Variants in ANO10 observed in about 807,000 individuals in gnomAD.
ANO10 encodes anoctamin-10.
ANO10 carries 77 observed loss-of-function variants against 74.7 expected under a neutral mutation model. The ratio of observed to expected loss-of-function variants is 1.03; its 90% CI spans 0.86 to 1.25. The LOEUF is 1.25. Among genes scored for constraint, ANO10 ranks in the 50% most tolerant of loss-of-function variants. The probability of loss-of-function intolerance (pLI) is 0.00; values close to 1 mark genes in which losing one functional copy is unlikely to be tolerated. For missense variants in ANO10, 721 were observed against 778.1 expected, an observed-to-expected ratio of 0.93 and a Z score of 0.87; for synonymous variants, 279 against 284.9, an observed-to-expected ratio of 0.98 and a Z score of 0.21.
At chr3:43,561,119 T>C (rs2080009676) in intron 9 of ANO10, 101 bp downstream of exon 9, 5 of 1,346,872 alleles carry the variant, frequency 3.7e-6, no homozygotes, top group South Asian at 3.6e-5. Flanking sequence ...ACTTCTAGAA[T>C]AGTCACATCT....
rs79086894 is a variant in ANO10 at position 43,502,306 on chromosome 3, G to A, written c.1797+47414C>T. On this transcript the variant is annotated intron_variant, in intron 11 of 12. Coordinates refer to ENST00000292246, the MANE Select transcript of ANO10 (RefSeq NM_018075.5). Reference sequence around the variant, plus strand: ...AATCTGATCCCTGATATTGGAGATGGTGCCTAGTGGACAGTGTTTGGGTCA... The same window carrying A: ...AATCTGATCCCTGATATTGGAGATGATGCCTAGTGGACAGTGTTTGGGTCA... 4.7e-3 allele frequency among the ~76,000 whole-genome samples: 721 copies of A among 152,260 alleles called. 6 individuals are homozygous for A. The highest frequency in any genetic ancestry group is 0.016 in the African/African-American group (678 of 41,552).
At chr3:43,369,631 G>A (rs2091536253) in intron 12 of ANO10, among the ~76,000 whole-genome samples, 1 of 152,200 alleles carries the variant, frequency 6.6e-6, no homozygotes, top group Non-Finnish European at 1.5e-5. Context: ...CCACAGGGCA[G>A]TGGCAGACCA....
At chr3:43,656,970 C>T (rs1056851723) in intron 1 of ANO10, among the ~76,000 whole-genome samples, 1 of 152,236 alleles carries the variant, frequency 6.6e-6, no homozygotes, top group Non-Finnish European at 1.5e-5. Flanking sequence ...GTGAGGACTG[C>T]CAGCACGCTG....
intron 5 of ANO10, among the ~76,000 whole-genome samples, 171 bp downstream of exon 5, chr3:43,580,182 G>T (rs1171489817): frequency 6.6e-6 from 1 of 151,670 alleles, no homozygotes; most frequent in Non-Finnish European, 1.5e-5. Context: ...GAAAAAAGGG[G>T]TCATCTAACC....
At chr3:43,525,138 G>A (rs1575340265) in intron 11 of ANO10, among the ~76,000 whole-genome samples, 1 of 152,232 alleles carries the variant, frequency 6.6e-6, no homozygotes, top group Non-Finnish European at 1.5e-5. Flanking sequence ...GGGCTCTTAA[G>A]TGAGAAAAAG....
At position 43,580,433 on chromosome 3, in the gene ANO10, A is replaced by G. The variant is rs373386030; in HGVS notation, c.512T>C (p.Phe171Ser). The G allele has an allele frequency of 2.2e-5, 35 of 1,614,006 alleles. No individual in the cohort carries two copies. The highest frequency in any genetic ancestry group is 3.3e-5 in the Admixed American group (2 of 60,002). Residue 171 changes from phenylalanine to serine, a missense_variant, in exon 5 of 13, where the codon TTT (phenylalanine) becomes TCT (serine). By Grantham distance (155) the Phe-to-Ser change is radical. Coordinates refer to ENST00000292246, the MANE Select transcript of ANO10 (RefSeq NM_018075.5). ...CAGGGCTTCACTGTCATGCAGTGGA[A>G]ACACCTGAATCACGATGCCAGACGT... is the stretch of plus-strand genomic sequence containing the variant. The part of the protein sequence containing the change: ...LLTSGIVIQV[F>S]PLHDSEALKK...
intron 1 of ANO10, among the ~76,000 whole-genome samples, chr3:43,668,209 T>C (rs2084015131): frequency 6.6e-6 from 1 of 152,204 alleles, no homozygotes; most frequent in Non-Finnish European, 1.5e-5. Context: ...TTTTAATATG[T>C]TTGTTGGCTG....
chr3:43,576,211 A>AT (rs113207033), intron 6 of ANO10, among the ~76,000 whole-genome samples: 2,859 of 150,036 alleles, frequency 0.019, 75 homozygotes, highest in African/African-American at 0.064. Context: ...TCATGAAGAC[A>AT]TTTTTTTTTT....
chr3:43,605,837 A>T lies in ANO10; in HGVS notation c.16T>A (p.Ser6Thr). The stretch of plus-strand genomic sequence containing the variant: ...GAACTCTCAGAAGTATCCAAAGCTG[A>T]TAAGGTCACTTTCATCTTTGACAAA... MKVTLSALDTSESSFT... is the reference protein window; with the variant it reads MKVTLTALDTSESSFT... The change falls in exon 2 of 13, where the codon TCA (serine) becomes ACA (threonine). Residue 6 changes from serine (S) to threonine (T), a missense_variant. Physicochemically the swap from Ser to Thr is moderately conservative, Grantham distance 58 (BLOSUM62 1). Transcript: ENST00000292246. 6.2e-7 allele frequency: 1 copy of T among 1,613,734 alleles called. No individual in the cohort carries two copies. The highest frequency in any genetic ancestry group is 8.5e-7 in the Non-Finnish European group (1 of 1,179,752).
chr3:43,600,057 A>T (rs1467188132), intron 3 of ANO10, among the ~76,000 whole-genome samples: 1 of 152,248 alleles, frequency 6.6e-6, no homozygotes, highest in Non-Finnish European at 1.5e-5. Context: ...AGAATAATAT[A>T]AGTAAGTTAC....
intron 1 of ANO10, among the ~76,000 whole-genome samples, chr3:43,673,437 T>A (rs2084084022): frequency 1.3e-5 from 2 of 152,306 alleles, no homozygotes; most frequent in Middle Eastern, 6.8e-3. Flanking sequence ...TGCTTCTGTA[T>A]AAACCTGACC....
At chr3:43,529,916 T>G (rs1269223229) in intron 11 of ANO10, among the ~76,000 whole-genome samples, 1 of 152,080 alleles carries the variant, frequency 6.6e-6, no homozygotes, top group Non-Finnish European at 1.5e-5. Flanking sequence ...ATGATAAAGT[T>G]GAGACCAAAC....
intron 11 of ANO10, among the ~76,000 whole-genome samples, chr3:43,534,151 C>T (rs1474652085): frequency 6.6e-6 from 1 of 152,062 alleles, no homozygotes; most frequent in Non-Finnish European, 1.5e-5. Flanking sequence ...AGAATAAGTA[C>T]ATAAAATTTA....
chr3:43,488,112 C>T (rs1171024769), intron 11 of ANO10, among the ~76,000 whole-genome samples: 1 of 151,346 alleles, frequency 6.6e-6, no homozygotes, highest in Non-Finnish European at 1.5e-5. Flanking sequence ...AACTGGCTAG[C>T]CATATGTAGA....
intron 11 of ANO10, among the ~76,000 whole-genome samples, chr3:43,472,985 GACA>G (rs1264573078): frequency 6.6e-6 from 1 of 152,102 alleles, no homozygotes; most frequent in Admixed American, 6.5e-5. Flanking sequence ...AAATATGAAT[GACA>G]ACTACAGAAT....
At chr3:43,670,358 T>TAA (rs1294176419) in intron 1 of ANO10, among the ~76,000 whole-genome samples, 1 of 103,564 alleles carries the variant, frequency 9.7e-6, no homozygotes, top group African/African-American at 3.6e-5. Flanking sequence ...ATAAATAAAA[T>TAA]AATAAATCTG....
chr3:43,589,752 A>C (rs920270034), intron 4 of ANO10, among the ~76,000 whole-genome samples: 15 of 152,236 alleles, frequency 9.9e-5, no homozygotes, highest in Non-Finnish European at 2.1e-4. Flanking sequence ...TTTTAATGAA[A>C]ACATTGAAGG....
chr3:43,461,650 G>A (rs147131289), intron 11 of ANO10, among the ~76,000 whole-genome samples: 120 of 152,352 alleles, frequency 7.9e-4, no homozygotes, highest in African/African-American at 2.8e-3. Context: ...TGCCATTCAT[G>A]TAAGACGTGA....
At chr3:43,469,839 A>G (rs761261078) in intron 11 of ANO10, among the ~76,000 whole-genome samples, 8 of 152,198 alleles carry the variant, frequency 5.3e-5, no homozygotes, top group Non-Finnish European at 7.3e-5. Flanking sequence ...AATATAATCC[A>G]GCTCTTTCTT....
Sources: gnomAD v4.1 joint callset for allele counts (sites outside exome capture counted in the v4.1 genomes callset) on GRCh38, gnomAD v4.1.1 for gene constraint, MANE v1.5 for transcripts, NCBI Gene and HGNC (gene_info 2026-07-23, HGNC 2026-07-21) for gene names.